The following PHACTR2 variants were observed in gnomAD, a reference collection of about 807,000 sequenced individuals.
The protein encoded by PHACTR2 is chromosome 6 open reading frame 56.
In PHACTR2, 30 loss-of-function variants were observed where a neutral mutation model predicts 76.0. The observed-to-expected ratio is 0.39, with a 90% CI of 0.30 to 0.54. The LOEUF is 0.54. PHACTR2 is among the 20% of genes least tolerant of loss of function. The probability of loss-of-function intolerance (pLI) is 0.61; values close to 1 mark genes in which losing one functional copy is unlikely to be tolerated. For synonymous variants in PHACTR2, 292 were observed against 292.5 expected, an observed-to-expected ratio of 1.00 and a Z score of 0.02; for missense variants, 696 against 781.1, an observed-to-expected ratio of 0.89 and a Z score of 1.30.
chr6:143,601,751 C>T (rs1775816539), intron 1 of PHACTR2, among the ~76,000 whole-genome samples: 2 of 152,180 alleles, frequency 1.3e-5, no homozygotes, highest in African/African-American at 2.4e-5. Context: ...CATTCTTCTG[C>T]ATTGTTACTG....
intron 1 of PHACTR2, among the ~76,000 whole-genome samples, chr6:143,572,516 T>C (rs566777126): frequency 3.3e-5 from 5 of 149,262 alleles, no homozygotes; most frequent in African/African-American, 1.3e-4. Context: ...CAGTGGTTTT[T>C]TTGTTTGTTT....
At position 143,753,298 on chromosome 6, in the gene PHACTR2, C is replaced by T. The variant is rs1779225783; in HGVS notation, c.296-456C>T. Reference sequence around the variant, plus strand: ...AGTAGTACTTGGAAATTTTCATATTCTCCCACTTATTGTTTGTATGTGTAA... The same window carrying T: ...AGTAGTACTTGGAAATTTTCATATTTTCCCACTTATTGTTTGTATGTGTAA... On this transcript the variant is annotated intron_variant, in intron 3 of 12. Coordinates refer to ENST00000440869, the MANE Select transcript of PHACTR2 (RefSeq NM_001100164.2). The surrounding 1 kb of genome is among the most constrained non-coding windows in gnomAD (Gnocchi z 4.6). Among the ~76,000 whole-genome samples, 1 of 152,132 alleles carries T rather than the reference C, an allele frequency of 6.6e-6. No homozygotes were observed. Among genetic ancestry groups the T allele is most frequent in the South Asian group, 2.1e-4 (1 of 4,828 alleles).
At position 143,698,845 on chromosome 6, in the gene PHACTR2, A is replaced by T. The variant is rs536483319; in HGVS notation, c.47-13171A>T. On this transcript the variant is annotated intron_variant, in intron 1 of 12. Coordinates refer to ENST00000440869, the MANE Select transcript of PHACTR2 (RefSeq NM_001100164.2). The surrounding 1 kb of genome is among the most constrained non-coding windows in gnomAD (Gnocchi z 4.3). Reference sequence around the variant, plus strand: ...AATGTTTCCGTTCCACAGTGAACACACTTTTCTACAGCCTCATTATTTTTG... The same window carrying T: ...AATGTTTCCGTTCCACAGTGAACACTCTTTTCTACAGCCTCATTATTTTTG... Among the ~76,000 whole-genome samples the T allele has an allele frequency of 1.3e-5, 2 of 152,290 alleles. No individual in the cohort carries two copies. Among genetic ancestry groups the T allele is most frequent in the South Asian group, 4.1e-4 (2 of 4,830 alleles).
chr6:143,690,086 G>A (rs547235808), intron 1 of PHACTR2, among the ~76,000 whole-genome samples: 6 of 152,236 alleles, frequency 3.9e-5, no homozygotes, highest in Non-Finnish European at 8.8e-5. Flanking sequence ...GGTAAACCAC[G>A]ATTTCTTTTT....
intron 1 of PHACTR2, among the ~76,000 whole-genome samples, chr6:143,573,591 T>C (rs1335207516): frequency 1.0e-5 from 1 of 97,292 alleles, no homozygotes; most frequent in Admixed American, 9.4e-5. Context: ...TTTTTTTTTC[T>C]AAGTATTTTT....
chr6:143,813,697 A>T (rs1371827010), intron 12 of PHACTR2, among the ~76,000 whole-genome samples: 1 of 150,702 alleles, frequency 6.6e-6, no homozygotes, highest in Non-Finnish European at 1.5e-5. Flanking sequence ...TTAGTGCTTT[A>T]TTATAGAGTG....
rs764833054 is a variant in PHACTR2, at chr6:143,608,330, A to T, written c.13+8A>T. ...GAGACATGGACAACGCCGGTGGGTA[A>T]ATCAAGCATGAATTCTTCATAGCTG... On this transcript the variant is annotated splice_region_variant and intron_variant, in intron 1 of 11. Transcript: ENST00000305766. This position sits in a 1 kb window ranked among gnomAD's most constrained non-coding sequence, Gnocchi z 4.6. The T allele has an allele frequency of 1.2e-6, 2 of 1,614,042 alleles. No individual in the cohort carries two copies. Among genetic ancestry groups the T allele is most frequent in the Non-Finnish European group, 1.7e-6 (2 of 1,179,930 alleles).
In PHACTR2 at chr6:143,550,791, CA is replaced by C. The variant is rs150523366; in HGVS notation, c.217+13585del. Reference sequence around the variant, plus strand: ...CGGTGGCTCACGCCTGTAATCCTAGCACTTTAGGAGGCCTAGGAGGGCAGAT... The same window carrying C: ...CGGTGGCTCACGCCTGTAATCCTAGCCTTTAGGAGGCCTAGGAGGGCAGAT... On this transcript the variant is annotated intron_variant, in intron 1 of 11. Coordinates refer to the PHACTR2 transcript ENST00000367584. The surrounding 1 kb of genome is among the most constrained non-coding windows in gnomAD (Gnocchi z 4.8). Among the ~76,000 whole-genome samples the C allele has an allele frequency of 0.021, 3,242 of 152,112 alleles. 127 individuals are homozygous for C. Among genetic ancestry groups the C allele is most frequent in the African/African-American group, 0.074 (3,070 of 41,500 alleles).
chr6:143,771,160 A>ATATATATATATGTG (rs1775101587), intron 6 of PHACTR2, among the ~76,000 whole-genome samples: 1 of 21,574 alleles, frequency 4.6e-5, no homozygotes, highest in Non-Finnish European at 8.7e-5. Flanking sequence ...ATATATATGT[A>ATATATATATATGTG]TATATATATA....
At chr6:143,703,937 A>G (rs1032782039) in intron 1 of PHACTR2, among the ~76,000 whole-genome samples, 18 of 152,098 alleles carry the variant, frequency 1.2e-4, no homozygotes, top group African/African-American at 4.1e-4. Flanking sequence ...ATGACTATAA[A>G]TTTGTTTTAA....
At chr6:143,788,182 C>G (rs992079544) in intron 10 of PHACTR2, among the ~76,000 whole-genome samples, 1 of 152,150 alleles carries the variant, frequency 6.6e-6, no homozygotes, top group Non-Finnish European at 1.5e-5. Context: ...ATCAACTCTC[C>G]CCTCCCCATT....
intron 1 of PHACTR2, among the ~76,000 whole-genome samples, chr6:143,612,475 G>A (rs778740851): frequency 2.6e-5 from 4 of 152,138 alleles, no homozygotes; most frequent in Non-Finnish European, 5.9e-5. Flanking sequence ...TAGAATATTT[G>A]ACTATGTTTG....
At position 143,550,719 on chromosome 6, in the gene PHACTR2, AAAAC is replaced by A. The variant is rs1030287263; in HGVS notation, c.217+13519_217+13522del. Among the ~76,000 whole-genome samples the A allele has an allele frequency of 6.6e-6, 1 of 151,980 alleles. No individual in the cohort carries two copies. The highest frequency in any genetic ancestry group is 1.5e-5 in the Non-Finnish European group (1 of 67,986). The stretch of plus-strand genomic sequence containing the variant: ...ATTAAGAGGCGGGAATAGATTTAAA[AAAAC>A]AAACAACAACAAAAACAAACAAACA... On this transcript the variant is annotated intron_variant, in intron 1 of 11. Transcript: ENST00000367584. This position sits in a 1 kb window ranked among gnomAD's most constrained non-coding sequence, Gnocchi z 4.8.
intron 12 of PHACTR2, among the ~76,000 whole-genome samples, chr6:143,808,173 A>G (rs930403142): frequency 6.9e-6 from 1 of 144,288 alleles, no homozygotes; most frequent in Non-Finnish European, 1.5e-5. Context: ...TCTGTCACCC[A>G]GGCTGGGGTG....
At chr6:143,645,092 T>C (rs1306931135) in intron 1 of PHACTR2, among the ~76,000 whole-genome samples, 2 of 151,270 alleles carry the variant, frequency 1.3e-5, no homozygotes, top group Non-Finnish European at 2.9e-5. Flanking sequence ...AGTGTGGAGA[T>C]TCCTTAAAGA....
chr6:143,593,415 T>C (rs1467899496), intron 1 of PHACTR2, among the ~76,000 whole-genome samples: 2 of 152,190 alleles, frequency 1.3e-5, no homozygotes, highest in Non-Finnish European at 2.9e-5. Flanking sequence ...AGGATGTTTA[T>C]TGGAGATTAT....
At chr6:143,579,610 T>A (rs1679367908) in intron 1 of PHACTR2, among the ~76,000 whole-genome samples, 1 of 151,872 alleles carries the variant, frequency 6.6e-6, no homozygotes, top group Non-Finnish European at 1.5e-5. Context: ...AGAAGGCACT[T>A]CTTTGGGGGT....
chr6:143,678,053 G>T lies in PHACTR2; in HGVS notation c.-111G>T. The T allele has an allele frequency of 1.3e-6, 2 of 1,526,654 alleles. No homozygotes were observed. Among genetic ancestry groups the T allele is most frequent in the Non-Finnish European group, 1.8e-6 (2 of 1,134,464 alleles). 94.6% of individuals were successfully genotyped at this position (1,526,654 alleles called of 1,614,324 possible). A position where few individuals can be genotyped will look rare whatever the true frequency, so the allele number is the denominator to read the frequency against. On this transcript the variant is annotated 5_prime_UTR_variant, in exon 1 of 13. Coordinates refer to ENST00000440869, the MANE Select transcript of PHACTR2 (RefSeq NM_001100164.2). The surrounding 1 kb of genome is among the most constrained non-coding windows in gnomAD (Gnocchi z 6.2). ...AGAAGGTGAGGGGACCCGGCGGGCC[G>T]CTCGGCACAGGCCGGGACATGAACG...
rs1045983715 is a variant in PHACTR2 at position 143,611,028 on chromosome 6, C to A, written c.13+2706C>A. On this transcript the variant is annotated intron_variant, in intron 1 of 11. Transcript: ENST00000305766. This position sits in a 1 kb window ranked among gnomAD's most constrained non-coding sequence, Gnocchi z 4.4. ...CTGCCAGTGCCACTATCCTCCTTAC[C>A]TCCATCAAGTGGTTCTCGTGAATGA... Among the ~76,000 whole-genome samples, 1 of 152,160 alleles carries A rather than the reference C, an allele frequency of 6.6e-6. No homozygotes were observed. Among genetic ancestry groups the A allele is most frequent in the African/African-American group, 2.4e-5 (1 of 41,434 alleles).
Sources: gnomAD v4.1 joint callset for allele counts (sites outside exome capture counted in the v4.1 genomes callset) on GRCh38, gnomAD v4.1.1 for gene constraint, Gnocchi (gnomAD v3.1) non-coding constraint, MANE v1.5 for transcripts, NCBI Gene and HGNC (gene_info 2026-07-23, HGNC 2026-07-21) for gene names.